TSPAN9: variants seen among roughly 807,000 people sequenced by gnomAD.
TSPAN9 encodes the protein tetraspanin 9, also known as tetraspanin-9.
A neutral mutation model predicts 31.0 loss-of-function variants in TSPAN9; 16 were observed. The ratio of observed to expected loss-of-function variants is 0.52; its 90% CI spans 0.35 to 0.78. The LOEUF is 0.78. TSPAN9 is among the 30% of genes least tolerant of loss of function. TSPAN9 has a pLI of 0.01. For synonymous variants in TSPAN9, 145 were observed against 121.6 expected (o/e 1.19, Z -1.27); for missense variants, 272 against 312.5 (o/e 0.87, Z 0.98).
chr12:3,201,152 G>A (rs779055669), intron 2 of TSPAN9, 25 bp from the exon 3 acceptor site: 1 of 1,598,694 alleles, frequency 6.3e-7, no homozygotes, highest in South Asian at 1.1e-5. Flanking sequence ...GTTTTACCTG[G>A]ACCTGTCCTT....
intron 3 of TSPAN9, among the ~76,000 whole-genome samples, chr12:3,276,782 TC>T (rs1389737988): frequency 6.6e-6 from 1 of 152,154 alleles, no homozygotes. Context: ...TACCACTGTC[TC>T]CCCAGCTTGG....
rs929470738 is a variant in TSPAN9, at chr12:3,170,586, C to G, written c.-17-30591C>G. Among the ~76,000 whole-genome samples the G allele has an allele frequency of 1.3e-5, 2 of 150,830 alleles. No homozygotes were observed. Among genetic ancestry groups the G allele is most frequent in the Non-Finnish European group, 2.9e-5 (2 of 67,802 alleles). ...TAGATAAGAGATCACTGAGTCAGTT[C>G]TGTGTGGGGGGGTCGTGATGGGGGA... On this transcript the variant is annotated intron_variant, in intron 2 of 8. Transcript: ENST00000011898. This position sits in a 1 kb window ranked among gnomAD's most constrained non-coding sequence, Gnocchi z 4.4.
intron 3 of TSPAN9, among the ~76,000 whole-genome samples, chr12:3,218,335 G>A (rs1026541360): frequency 1.3e-5 from 2 of 152,328 alleles, no homozygotes; most frequent in African/African-American, 4.8e-5. Flanking sequence ...AAGAGGAGGA[G>A]GCGTGTTCTC....
chr12:3,148,114 A>C (rs1338084307), intron 2 of TSPAN9, among the ~76,000 whole-genome samples: 2 of 152,158 alleles, frequency 1.3e-5, no homozygotes, highest in African/African-American at 2.4e-5. Flanking sequence ...AAGGGCATAC[A>C]TCCCAGGGCC....
intron 3 of TSPAN9, among the ~76,000 whole-genome samples, chr12:3,247,202 A>G (rs759812021): frequency 5.3e-5 from 8 of 152,032 alleles, no homozygotes; most frequent in Non-Finnish European, 1.0e-4. Context: ...GTTATAGCAG[A>G]AAGGACTTGA....
At chr12:3,243,404 C>T (rs1449693612) in intron 3 of TSPAN9, among the ~76,000 whole-genome samples, 1 of 152,134 alleles carries the variant, frequency 6.6e-6, no homozygotes, top group East Asian at 1.9e-4. Context: ...CATAGGGCGG[C>T]TCAGAGAAGT....
At chr12:3,161,811 CT>C (rs1358645117) in intron 2 of TSPAN9, among the ~76,000 whole-genome samples, 1 of 151,396 alleles carries the variant, frequency 6.6e-6, no homozygotes, top group Non-Finnish European at 1.5e-5. Flanking sequence ...ATCTATCTAT[CT>C]ATCTGTCTGT....
At position 3,281,263 on chromosome 12, in the gene TSPAN9, C is replaced by T. The variant is rs138081602; in HGVS notation, c.498C>T (p.Pro166=). 27 of 1,551,140 alleles carry T rather than the reference C, an allele frequency of 1.7e-5. No individual in the cohort carries two copies. Among genetic ancestry groups the T allele is most frequent in the South Asian group, 7.1e-5 (6 of 84,050 alleles). Residue 166 remains proline (P), a synonymous_variant, in exon 7 of 9, where the codon CCC becomes CCT. Transcript: ENST00000011898. ...CAGTGCTGGGGGAGAACACGGTTCC[C>T]GACCGCTGCTGCATGGAGAACTCCC... ...WYPVLGENTV[P]DRCCMENSQG... is the part of the protein sequence containing the mutation.
intron 2 of TSPAN9, among the ~76,000 whole-genome samples, chr12:3,165,462 C>A (rs2098347793): frequency 6.6e-6 from 1 of 152,198 alleles, no homozygotes; most frequent in South Asian, 2.1e-4. Flanking sequence ...CAGGAAATCA[C>A]TTCCTTTGAG....
intron 2 of TSPAN9, among the ~76,000 whole-genome samples, chr12:3,099,286 C>T (rs757256721): frequency 6.6e-6 from 1 of 152,158 alleles, no homozygotes; most frequent in Non-Finnish European, 1.5e-5. Flanking sequence ...CACGGATCTT[C>T]TGCAGTGGGT....
chr12:3,212,879 A>G (rs988517113), intron 3 of TSPAN9, among the ~76,000 whole-genome samples: 1 of 152,114 alleles, frequency 6.6e-6, no homozygotes, highest in Non-Finnish European at 1.5e-5. Flanking sequence ...GAAGGGTGAA[A>G]AGGAGAGGGC....
Position 3,147,597 on chromosome 12 carries a change from T to G in TSPAN9, c.-17-53580T>G, listed in dbSNP as rs971466301. Among the ~76,000 whole-genome samples the G allele has an allele frequency of 3.9e-5, 6 of 152,216 alleles. No individual in the cohort carries two copies. Among genetic ancestry groups the G allele is most frequent in the African/African-American group, 1.4e-4 (6 of 41,456 alleles). On this transcript the variant is annotated intron_variant, in intron 2 of 8. Transcript: ENST00000011898. This position sits in a 1 kb window ranked among gnomAD's most constrained non-coding sequence, Gnocchi z 4.3. ...GCCCAGTGCTGCAACGATGGAAGTGTTCTGTTCTGTACCGCCCAGTACAGT... is the reference window on the plus strand; with the variant it reads ...GCCCAGTGCTGCAACGATGGAAGTGGTCTGTTCTGTACCGCCCAGTACAGT...
intron 2 of TSPAN9, among the ~76,000 whole-genome samples, chr12:3,108,963 A>G (rs2098316138): frequency 1.3e-5 from 2 of 150,606 alleles, no homozygotes; most frequent in African/African-American, 2.4e-5. Context: ...TTTGAGACAG[A>G]GTCTCGCTCT....
chr12:3,194,184 G>A (rs2098365949), intron 2 of TSPAN9, among the ~76,000 whole-genome samples: 1 of 152,148 alleles, frequency 6.6e-6, no homozygotes, highest in Admixed American at 6.5e-5. Context: ...GAGGGGTGGG[G>A]TAAAATGACC....
chr12:3,247,567 C>T (rs907765758), intron 3 of TSPAN9, among the ~76,000 whole-genome samples: 10 of 152,168 alleles, frequency 6.6e-5, no homozygotes, highest in African/African-American at 2.4e-4. Context: ...TTCCAGTCTA[C>T]AGAGTACCCG....
At chr12:3,111,185 C>T (rs1294143706) in intron 2 of TSPAN9, among the ~76,000 whole-genome samples, 5 of 152,300 alleles carry the variant, frequency 3.3e-5, no homozygotes, top group Admixed American at 3.3e-4. Flanking sequence ...GCCAGAATAC[C>T]TTTCTTCTGC....
At chr12:3,158,103 T>C (rs1330181797) in intron 2 of TSPAN9, among the ~76,000 whole-genome samples, 2 of 152,248 alleles carry the variant, frequency 1.3e-5, no homozygotes, top group African/African-American at 4.8e-5. Context: ...TTTCCTCTTC[T>C]TGCTTTCCTC....
chr12:3,096,531 TTGAA>T (rs34418176), intron 2 of TSPAN9, among the ~76,000 whole-genome samples: 8 of 151,802 alleles, frequency 5.3e-5, no homozygotes, highest in Non-Finnish European at 1.0e-4. Flanking sequence ...GAAATATTTT[TTGAA>T]TGAATGAATG....
intron 2 of TSPAN9, among the ~76,000 whole-genome samples, chr12:3,135,813 G>C (rs2098331859): frequency 1.3e-5 from 2 of 152,220 alleles, no homozygotes; most frequent in South Asian, 4.1e-4. Context: ...AGCCGAGGCA[G>C]CCCTCTCAGA....
Sources: gnomAD v4.1 joint callset for allele counts (sites outside exome capture counted in the v4.1 genomes callset) on GRCh38, gnomAD v4.1.1 for gene constraint, Gnocchi (gnomAD v3.1) non-coding constraint, MANE v1.5 for transcripts, NCBI Gene and HGNC (gene_info 2026-07-23, HGNC 2026-07-21) for gene names.